SLIT2: variants seen among roughly 807,000 people sequenced by gnomAD.
SLIT2 encodes slit guidance ligand 2.
In SLIT2, 41 loss-of-function variants were observed where a neutral mutation model predicts 185.7. The observed-to-expected ratio is 0.22, with a 90% CI of 0.17 to 0.29. The LOEUF (loss-of-function observed/expected upper bound fraction) is 0.29. Ranked by LOEUF, SLIT2 falls within the 10% of genes least tolerant of loss-of-function variation. SLIT2 has a pLI of 1.00. For missense variants in SLIT2, 1,571 were observed against 1,909.0 expected, an observed-to-expected ratio of 0.82 and a Z score of 3.30; for synonymous variants, 693 against 680.2, an observed-to-expected ratio of 1.02 and a Z score of -0.29.
intron 4 of SLIT2, among the ~76,000 whole-genome samples, chr4:20,339,378 A>G (rs569577488): frequency 2.6e-4 from 39 of 152,296 alleles, no homozygotes; most frequent in Middle Eastern, 3.4e-3. Context: ...CAGTAATTGA[A>G]CACACTCCCT....
chr4:20,353,476 T>C (rs1160830783), intron 4 of SLIT2, among the ~76,000 whole-genome samples: 2 of 152,188 alleles, frequency 1.3e-5, no homozygotes, highest in South Asian at 2.1e-4. Context: ...CTTTATGAAT[T>C]ACATAAACAG....
Position 20,378,375 on chromosome 4 carries a change from C to T in SLIT2, c.396-89377C>T, listed in dbSNP as rs114348567. 8.0e-3 allele frequency among the ~76,000 whole-genome samples: 1,224 copies of T among 152,156 alleles called. 1 individual carries two copies. The highest frequency in any genetic ancestry group is 0.014 in the Middle Eastern group (4 of 294). On this transcript the variant is annotated intron_variant, in intron 4 of 36. Coordinates refer to ENST00000504154, the MANE Select transcript of SLIT2 (RefSeq NM_004787.4). ...TGTGATTACAGTTTACATATTTCTT[C>T]GGATAGTGGTGCTTTACTAGTAAAT...
At chr4:20,519,145 A>G (rs529353156) in intron 11 of SLIT2, among the ~76,000 whole-genome samples, 182 of 152,308 alleles carry the variant, frequency 1.2e-3, no homozygotes, top group Non-Finnish European at 1.9e-3. Flanking sequence ...TGGAAATGAT[A>G]TATACATATA....
At position 20,364,197 on chromosome 4, in the gene SLIT2, C is replaced by G. The variant is rs1490054996; in HGVS notation, c.395+95316C>G. ...CACTTAGAGAAATACTGGGATGGAGCATTTGTGCCCTGTGGAGTGTTTGGA... is the reference window on the plus strand; with the variant it reads ...CACTTAGAGAAATACTGGGATGGAGGATTTGTGCCCTGTGGAGTGTTTGGA... On this transcript the variant is annotated intron_variant, in intron 4 of 36. Transcript: ENST00000504154. 12 of 793,638 alleles carry G rather than the reference C, an allele frequency of 1.5e-5. No homozygotes were observed. In the South Asian group the frequency reaches 4.0e-4, roughly 27 times the overall value. The allele number at this position is 793,638 out of a possible 1,614,324, so 49.2% of individuals were successfully genotyped here.
chr4:20,599,239 G>T (rs545118112), intron 33 of SLIT2, among the ~76,000 whole-genome samples: 14 of 152,188 alleles, frequency 9.2e-5, no homozygotes, highest in Admixed American at 9.2e-4. Context: ...GGTGGTATTC[G>T]TGGGGTATAA....
intron 4 of SLIT2, among the ~76,000 whole-genome samples, chr4:20,288,541 A>G (rs1715497329): frequency 6.6e-6 from 1 of 152,178 alleles, no homozygotes; most frequent in South Asian, 2.1e-4. Flanking sequence ...AAATCAGCTT[A>G]TTGGGGATGC....
intron 3 of SLIT2, among the ~76,000 whole-genome samples, chr4:20,268,236 A>G (rs1374566385): frequency 6.6e-6 from 1 of 151,918 alleles, no homozygotes; most frequent in Non-Finnish European, 1.5e-5. Context: ...CTGAGCCTTA[A>G]ATTCAGTTAA....
intron 5 of SLIT2, among the ~76,000 whole-genome samples, chr4:20,474,087 C>T (rs1346792100): frequency 6.6e-6 from 1 of 151,986 alleles, no homozygotes; most frequent in Non-Finnish European, 1.5e-5. Flanking sequence ...TATCCTTACT[C>T]TTAAATTCCA....
chr4:20,489,406 A>T (rs747195144), intron 8 of SLIT2, among the ~76,000 whole-genome samples: 1 of 152,246 alleles, frequency 6.6e-6, no homozygotes, highest in Non-Finnish European at 1.5e-5. Flanking sequence ...AATACTTTTC[A>T]TGCATACATG....
At chr4:20,494,910 C>CAA (rs1718095659) in intron 9 of SLIT2, among the ~76,000 whole-genome samples, 1 of 152,014 alleles carries the variant, frequency 6.6e-6, no homozygotes, top group Non-Finnish European at 1.5e-5. Flanking sequence ...CATCAACTGT[C>CAA]TAATGAAAAG....
rs148218645 is a variant in SLIT2, at chr4:20,585,324, C to T, written c.3089-4320C>T. 1.6e-3 allele frequency among the ~76,000 whole-genome samples: 245 copies of T among 152,316 alleles called. 1 individual carries two copies. The highest frequency in any genetic ancestry group is 5.6e-3 in the African/African-American group (232 of 41,580). ...TATACGTACACTCAGAATGCTTCAA[C>T]CTCTTATCAACAAGAGATGAAAACT... is the stretch of plus-strand genomic sequence containing the variant. On this transcript the variant is annotated intron_variant, in intron 29 of 36. Transcript: ENST00000504154.
chr4:20,321,842 CT>C (rs1249296005), intron 4 of SLIT2, among the ~76,000 whole-genome samples: 1 of 152,112 alleles, frequency 6.6e-6, no homozygotes, highest in East Asian at 1.9e-4. Flanking sequence ...CATGTTTAAA[CT>C]TTATCAGTGG....
In SLIT2 at chr4:20,511,603, T is replaced by TTTTTTTTTTTTTTTTTA. The variant is rs61276848; in HGVS notation, c.1058+466_1058+467insTTTTTTTTTTTTTTTTA. Among the ~76,000 whole-genome samples the TTTTTTTTTTTTTTTTTA allele has an allele frequency of 1.9e-4, 28 of 144,132 alleles. 1 individual carries two copies. The highest frequency in any genetic ancestry group is 6.8e-4 in the African/African-American group (26 of 38,366). 94.6% of individuals were successfully genotyped at this position (144,132 alleles called of 152,430 possible). A position where few individuals can be genotyped will look rare whatever the true frequency, so the allele number is the denominator to read the frequency against. ...ATCCAGCTAATTTTTTTTTTTTTTT[T>TTTTTTTTTTTTTTTTTA]ATTTTTGGTAGAGATGGAATTTCAC... On this transcript the variant is annotated intron_variant, in intron 11 of 36. Coordinates refer to ENST00000504154, the MANE Select transcript of SLIT2 (RefSeq NM_004787.4).
chr4:20,554,000 A>G (rs1427945894), intron 26 of SLIT2, 32 bp downstream of exon 26: 2 of 1,512,074 alleles, frequency 1.3e-6, no homozygotes, highest in South Asian at 2.6e-5. Flanking sequence ...ATTTCTTTTA[A>G]GAATTACTAT....
chr4:20,535,892 G>T (rs1267006193), intron 18 of SLIT2, among the ~76,000 whole-genome samples: 2 of 151,992 alleles, frequency 1.3e-5, no homozygotes, highest in Non-Finnish European at 2.9e-5. Context: ...GTGTCATTAG[G>T]CAACGTTGCC....
At chr4:20,479,292 C>T (rs907038101) in intron 5 of SLIT2, among the ~76,000 whole-genome samples, 1 of 152,190 alleles carries the variant, frequency 6.6e-6, no homozygotes, top group African/African-American at 2.4e-5. Flanking sequence ...CTGAAAGTCA[C>T]TGGATTAAAT....
chr4:20,455,584 C>G (rs1162057037), intron 4 of SLIT2, among the ~76,000 whole-genome samples: 5 of 151,864 alleles, frequency 3.3e-5, no homozygotes, highest in Non-Finnish European at 5.9e-5. Flanking sequence ...TATATTTATA[C>G]AATGGAATAT....
chr4:20,481,685 C>G (rs1716716771), intron 6 of SLIT2, among the ~76,000 whole-genome samples: 1 of 151,806 alleles, frequency 6.6e-6, no homozygotes, highest in South Asian at 2.1e-4. Context: ...TTCCTTTTCC[C>G]CACAAAAAAG....
intron 4 of SLIT2, among the ~76,000 whole-genome samples, chr4:20,362,445 T>A (rs1336369785): frequency 6.6e-6 from 1 of 152,074 alleles, no homozygotes; most frequent in Non-Finnish European, 1.5e-5. Context: ...GACAGCTTGT[T>A]TTTCATGGAT....
Sources: gnomAD v4.1 joint callset for allele counts (sites outside exome capture counted in the v4.1 genomes callset) on GRCh38, gnomAD v4.1.1 for gene constraint, MANE v1.5 for transcripts, NCBI Gene and HGNC (gene_info 2026-07-23, HGNC 2026-07-21) for gene names.